The following EP300 variants were observed in gnomAD, a reference collection of about 807,000 sequenced individuals.
EP300 encodes EP300 lysine acetyltransferase, also known as histone acetyltransferase p300.
Under a neutral mutation model 264.0 loss-of-function variants are expected in EP300, and 31 were observed. The observed-to-expected ratio is 0.12, with a 90% CI of 0.09 to 0.16. EP300 has a LOEUF of 0.16. EP300 is among the 10% of genes least tolerant of loss of function. The pLI is 1.00. For missense variants in EP300, 2,766 were observed against 3,052.9 expected (o/e 0.91, Z 2.21); for synonymous variants, 1,340 against 1,045.4 (o/e 1.28, Z -5.44).
At chr22:41,150,254 T>C in intron 14 of EP300, 56 bp downstream of exon 14, 1 of 1,518,230 alleles carries the variant, frequency 6.6e-7, no homozygotes, top group Middle Eastern at 1.7e-4. Context: ...TAGTATTATA[T>C]TACTTCTGGG....
Position 41,146,712 on chromosome 22 carries a change from G to A in EP300, c.2054-27G>A, listed in dbSNP as rs775915498. ...TTTGGTTAAGGGAAGATGGTGCAAA[G>A]ATACTTATTTCTCTTTTTTACTCTA... On this transcript the variant is annotated intron_variant, in intron 10 of 30. Transcript: ENST00000263253. 13 of 1,608,088 alleles carry A rather than the reference G, an allele frequency of 8.1e-6. 1 individual carries two copies. The highest frequency in any genetic ancestry group is 1.1e-5 in the South Asian group (1 of 90,920).
chr22:41,158,219 C>T (rs1372769261), intron 18 of EP300, among the ~76,000 whole-genome samples, 193 bp from the exon 19 acceptor site: 3 of 152,344 alleles, frequency 2.0e-5, no homozygotes, highest in East Asian at 3.9e-4. Context: ...GATATGACTG[C>T]TAAGCCTACC....
In EP300 at chr22:41,125,884, C is replaced by T. The variant is rs1569094928; in HGVS notation, c.750C>T (p.Pro250=). The T allele has an allele frequency of 6.2e-7, 1 of 1,614,118 alleles. No homozygotes were observed. The highest frequency in any genetic ancestry group is 1.7e-5 in the Admixed American group (1 of 60,008). ...QPLKMGMMNN[P]NPYGSPYTQN... ...CTTAGATGGGAATGATGAACAACCC[C>T]AATCCTTATGGTTCACCATATACTC... Residue 250 remains proline, a synonymous_variant, in exon 3 of 31, where the codon CCC becomes CCT. Transcript: ENST00000263253.
chr22:41,146,506 A>T (rs968016446), intron 10 of EP300: 4 of 536,298 alleles, frequency 7.5e-6, no homozygotes, highest in Non-Finnish European at 1.3e-5. Context: ...TCAACATTGA[A>T]AGCACCCGGG....
intron 1 of EP300, among the ~76,000 whole-genome samples, chr22:41,116,337 G>C (rs1309925532): frequency 1.3e-5 from 2 of 152,056 alleles, no homozygotes; most frequent in Non-Finnish European, 2.9e-5. Context: ...ATCTACATTA[G>C]GTATTTGTCC....
At chr22:41,107,846 A>T (rs570591976) in intron 1 of EP300, among the ~76,000 whole-genome samples, 2 of 151,644 alleles carry the variant, frequency 1.3e-5, no homozygotes, top group African/African-American at 4.9e-5. Context: ...GATTACAGGC[A>T]TGTGCCACCA....
At chr22:41,113,014 A>G (rs2058801671) in intron 1 of EP300, among the ~76,000 whole-genome samples, 1 of 152,148 alleles carries the variant, frequency 6.6e-6, no homozygotes, top group African/African-American at 2.4e-5. Flanking sequence ...AGTAAAAAGG[A>G]TTTATTTTAA....
intron 21 of EP300, 50 bp downstream of exon 21, chr22:41,162,829 C>G: frequency 6.7e-7 from 1 of 1,503,200 alleles, no homozygotes; most frequent in Non-Finnish European, 9.3e-7. Context: ...TTTCTTTTTC[C>G]CTTTCATTCT....
At chr22:41,138,766 A>G (rs1418436327) in intron 8 of EP300, among the ~76,000 whole-genome samples, 1 of 152,128 alleles carries the variant, frequency 6.6e-6, no homozygotes, top group Non-Finnish European at 1.5e-5. Context: ...TTTCACTTTC[A>G]GTTAATAGCA....
chr22:41,106,975 C>T (rs558765629), intron 1 of EP300, among the ~76,000 whole-genome samples: 2 of 152,114 alleles, frequency 1.3e-5, no homozygotes, highest in Admixed American at 1.3e-4. Context: ...AGCGTGATCT[C>T]GGCTTACTGC....
intron 1 of EP300, among the ~76,000 whole-genome samples, chr22:41,108,438 C>G (rs902035973): frequency 9.2e-5 from 14 of 151,680 alleles, no homozygotes; most frequent in African/African-American, 3.4e-4. Flanking sequence ...TTTGTTGACA[C>G]TGGTGTCCTT....
chr22:41,135,728 G>A lies in EP300; in HGVS notation c.1529-85G>A, dbSNP rs980729487. ...ATGCTGCAAATTTTTTTTCTGATTT[G>A]TCATTTGTTTCTTAACTTTATAGTA... On this transcript the variant is annotated intron_variant, in intron 6 of 30. Coordinates refer to ENST00000263253, the MANE Select transcript of EP300 (RefSeq NM_001429.4). 4.6e-6 allele frequency: 5 copies of A among 1,085,656 alleles called. No homozygotes were observed. In the African/African-American group the frequency reaches 7.9e-5, roughly 17 times the overall value. 67.3% of individuals were successfully genotyped at this position (1,085,656 alleles called of 1,614,324 possible).
chr22:41,104,980 C>T (rs1043782935), intron 1 of EP300, among the ~76,000 whole-genome samples: 24 of 151,926 alleles, frequency 1.6e-4, no homozygotes, highest in Admixed American at 3.3e-4. Context: ...CTGGGTAACA[C>T]GGTGTAACCC....
chr22:41,170,929 C>G (rs2059166939), intron 27 of EP300, among the ~76,000 whole-genome samples: 1 of 148,864 alleles, frequency 6.7e-6, no homozygotes, highest in South Asian at 2.1e-4. Context: ...TCCCAAAGTG[C>G]TGGGATTACA....
intron 1 of EP300, among the ~76,000 whole-genome samples, chr22:41,108,716 A>G (rs2058772045): frequency 6.6e-6 from 1 of 152,224 alleles, no homozygotes; most frequent in South Asian, 2.1e-4. Context: ...GAGCATCATT[A>G]AAGGCATAAA....
In EP300 at chr22:41,172,639, A is replaced by G; in HGVS notation, c.4593A>G (p.Glu1531=). Residue 1531 remains glutamate (E), a synonymous_variant, in exon 28 of 31, where the codon GAA becomes GAG. Transcript: ENST00000263253. ...EQEEEERKRE[E]NTSNESTDVT... ...AGGAAGAAGAGAGAAAACGAGAGGA[A>G]AACACCAGCAATGAAAGCACAGATG... 1 of 1,613,612 alleles carries G rather than the reference A, an allele frequency of 6.2e-7. No individual in the cohort carries two copies. The highest frequency in any genetic ancestry group is 1.1e-5 in the South Asian group (1 of 91,020).
At chr22:41,127,445 C>G in intron 3 of EP300, 42 bp from the exon 4 acceptor site, 1 of 1,610,832 alleles carries the variant, frequency 6.2e-7, no homozygotes, top group Non-Finnish European at 8.5e-7. Context: ...AGAAATAGCA[C>G]ATTATGACTC....
chr22:41,105,793 A>G lies in EP300; in HGVS notation c.95-11394A>G, dbSNP rs554833622. Among the ~76,000 whole-genome samples, 4 of 152,352 alleles carry G rather than the reference A, an allele frequency of 2.6e-5. No individual in the cohort carries two copies. In the South Asian group the frequency reaches 6.2e-4, roughly 24 times the overall value. ...GATAGCAGGACCATGTGAAGAGTACATATTTTGAAATTTGCTTGCACTTTT... is the reference window on the plus strand; with the variant it reads ...GATAGCAGGACCATGTGAAGAGTACGTATTTTGAAATTTGCTTGCACTTTT... On this transcript the variant is annotated intron_variant, in intron 1 of 30. Transcript: ENST00000263253.
At chr22:41,157,911 T>G (rs1008503748) in intron 18 of EP300, among the ~76,000 whole-genome samples, 1 of 152,176 alleles carries the variant, frequency 6.6e-6, no homozygotes, top group African/African-American at 2.4e-5. Context: ...AGAGTGGCAA[T>G]TGTATGGAAA....
Sources: allele counts gnomAD v4.1 joint callset (sites outside exome capture counted in the v4.1 genomes callset), GRCh38; gene constraint gnomAD v4.1.1; transcripts MANE v1.5; gene names NCBI Gene and HGNC (gene_info 2026-07-23, HGNC 2026-07-21).